Variants in NBEA observed in about 807,000 individuals in gnomAD.
The protein encoded by NBEA is neurobeachin, also known as lysosomal-trafficking regulator 2.
A neutral mutation model predicts 343.4 loss-of-function variants in NBEA; 44 were observed. The ratio of observed to expected loss-of-function variants is 0.13; its 90% confidence interval spans 0.10 to 0.16. The LOEUF is 0.16. NBEA is among the 10% of genes least tolerant of loss of function. The pLI, the probability that NBEA is intolerant of heterozygous loss-of-function variation, is 1.00. For missense variants in NBEA, 2,555 were observed against 3,631.3 expected (o/e 0.70, Z 7.62); for synonymous variants, 1,175 against 1,238.7 (o/e 0.95, Z 1.08).
intron 34 of NBEA, among the ~76,000 whole-genome samples, chr13:35,243,762 T>C (rs2030723802): frequency 6.6e-6 from 1 of 151,854 alleles, no homozygotes. Flanking sequence ...AAGCAAATAT[T>C]GACAGACTTG....
intron 35 of NBEA, among the ~76,000 whole-genome samples, chr13:35,302,540 G>A (rs2036622611): frequency 1.3e-5 from 2 of 152,096 alleles, no homozygotes; most frequent in Admixed American, 1.3e-4. Flanking sequence ...TTAGGTCAAG[G>A]CCTGCATAAA....
chr13:35,510,515 G>C, intron 41 of NBEA, among the ~76,000 whole-genome samples: 1 of 152,146 alleles, frequency 6.6e-6, no homozygotes, highest in Non-Finnish European at 1.5e-5. Flanking sequence ...CAGCCACCTC[G>C]CTGGGATGTG....
intron 30 of NBEA, 74 bp from the exon 31 acceptor site, chr13:35,195,790 A>G: frequency 7.5e-7 from 1 of 1,330,094 alleles, no homozygotes; most frequent in Non-Finnish European, 1.0e-6. Flanking sequence ...ATTTGAATAT[A>G]TGAAAACATT....
chr13:35,161,183 ATAGGCTTGCCTGTTGAACAC>A (rs1204037325), intron 22 of NBEA, among the ~76,000 whole-genome samples: 13 of 152,326 alleles, frequency 8.5e-5, no homozygotes, highest in Admixed American at 7.2e-4. Flanking sequence ...TTATTGAACA[ATAGGCTTGCCTGTTGAACAC>A]TAGGCTTGCC....
intron 1 of NBEA, among the ~76,000 whole-genome samples, chr13:35,021,798 T>A (rs2061850203): frequency 6.6e-6 from 1 of 152,198 alleles, no homozygotes; most frequent in African/African-American, 2.4e-5. Flanking sequence ...CTGTTTTTAT[T>A]TCTACGTGCA....
intron 10 of NBEA, among the ~76,000 whole-genome samples, chr13:35,092,578 A>T (rs2065142159): frequency 6.6e-6 from 1 of 152,030 alleles, no homozygotes; most frequent in Non-Finnish European, 1.5e-5. Context: ...ACCAAAGAGA[A>T]TATAAGGATG....
rs2044669298 is a variant in NBEA, at chr13:35,426,311, C to G, written c.6180-5958C>G. Among the ~76,000 whole-genome samples, 7 of 152,142 alleles carry G rather than the reference C, an allele frequency of 4.6e-5. No homozygotes were observed. In the South Asian group the frequency reaches 1.4e-3, roughly 31 times the overall value. On this transcript the variant is annotated intron_variant, in intron 38 of 58. Coordinates refer to ENST00000379939, the MANE Select transcript of NBEA (RefSeq NM_001385012.1). ...CGGTTGTTCCTTTCCATGTTTAGTG[C>G]TTCCTTCAGGAGCTCTTTTAGGGCA...
At chr13:35,492,192 G>T (rs925175108) in intron 41 of NBEA, among the ~76,000 whole-genome samples, 8 of 152,000 alleles carry the variant, frequency 5.3e-5, no homozygotes, top group Non-Finnish European at 1.2e-4. Context: ...GGGAACTCAG[G>T]GGGAAAGGGT....
chr13:35,150,865 C>T, intron 18 of NBEA, among the ~76,000 whole-genome samples: 1 of 145,432 alleles, frequency 6.9e-6, no homozygotes, highest in Non-Finnish European at 1.5e-5. Flanking sequence ...CATGTAATCC[C>T]AGCACTTTGG....
intron 1 of NBEA, among the ~76,000 whole-genome samples, chr13:35,016,396 GT>G (rs1432861617): frequency 6.6e-6 from 1 of 152,146 alleles, no homozygotes; most frequent in Admixed American, 6.5e-5. Flanking sequence ...ATACATTGTA[GT>G]AATTAATTCA....
At chr13:35,567,130 C>G in intron 45 of NBEA, 113 bp downstream of exon 45, 1 of 543,540 alleles carries the variant, frequency 1.8e-6, no homozygotes. Flanking sequence ...AACTGATTAT[C>G]TTGACTTACA....
intron 34 of NBEA, among the ~76,000 whole-genome samples, chr13:35,246,464 G>A (rs1049726355): frequency 1.1e-4 from 17 of 152,116 alleles, no homozygotes; most frequent in African/African-American, 4.1e-4. Context: ...AGATTCTTTT[G>A]TTCCACGCGG....
At chr13:35,573,843 T>C (rs1566344816) in intron 45 of NBEA, among the ~76,000 whole-genome samples, 1 of 152,222 alleles carries the variant, frequency 6.6e-6, no homozygotes, top group Non-Finnish European at 1.5e-5. Context: ...ATGTCACCTC[T>C]GTGTCTAAAC....
intron 35 of NBEA, among the ~76,000 whole-genome samples, chr13:35,305,498 C>T (rs1023863634): frequency 6.6e-6 from 1 of 152,104 alleles, no homozygotes; most frequent in African/African-American, 2.4e-5. Flanking sequence ...GATTGGGCTT[C>T]ATCATAGGAC....
chr13:35,363,841 A>T (rs1306269615), intron 38 of NBEA, among the ~76,000 whole-genome samples: 1 of 151,990 alleles, frequency 6.6e-6, no homozygotes, highest in Admixed American at 6.6e-5. Context: ...TCTAATGAAC[A>T]GAAAACATAA....
intron 18 of NBEA, among the ~76,000 whole-genome samples, chr13:35,143,869 CAA>C (rs2068236771): frequency 7.6e-6 from 1 of 131,226 alleles, no homozygotes; most frequent in African/African-American, 2.9e-5. Context: ...GCCTGAGTGA[CAA>C]AGTGAGACCC....
At chr13:35,290,366 G>C in intron 34 of NBEA, 23 bp from the exon 35 acceptor site, 2 of 1,542,366 alleles carry the variant, frequency 1.3e-6, no homozygotes, top group Non-Finnish European at 1.8e-6. Context: ...ATTTCATTTT[G>C]TTTTAACCTT....
intron 44 of NBEA, among the ~76,000 whole-genome samples, chr13:35,556,175 C>T (rs938959250): frequency 6.6e-6 from 1 of 151,652 alleles, no homozygotes; most frequent in African/African-American, 2.4e-5. Context: ...CTTGAATAAA[C>T]CTGTTTACTC....
At chr13:35,525,700 A>T (rs970581182) in intron 41 of NBEA, among the ~76,000 whole-genome samples, 1 of 152,200 alleles carries the variant, frequency 6.6e-6, no homozygotes, top group Non-Finnish European at 1.5e-5. Context: ...ATAACAAAAT[A>T]CCTTAGATCA....
Sources: gnomAD v4.1 joint callset for allele counts (sites outside exome capture counted in the v4.1 genomes callset) on GRCh38, gnomAD v4.1.1 for gene constraint, MANE v1.5 for transcripts, NCBI Gene and HGNC (gene_info 2026-07-23, HGNC 2026-07-21) for gene names.